DHRS3: variants seen among roughly 807,000 people sequenced by gnomAD.
DHRS3 encodes dehydrogenase/reductase 3.
A neutral mutation model predicts 27.2 loss-of-function variants in DHRS3; 14 were observed. The ratio of observed to expected loss-of-function variants is 0.52; its 90% CI spans 0.34 to 0.81. DHRS3 has a LOEUF of 0.81. Among genes scored for constraint, DHRS3 ranks in the 30% least tolerant of loss-of-function variants. The pLI is 0.01. For synonymous variants in DHRS3, 165 were observed against 175.9 expected (o/e 0.94, Z 0.49); for missense variants, 322 against 406.2 (o/e 0.79, Z 1.78).
At chr1:12,606,375 A>C (rs776244157) in intron 1 of DHRS3, among the ~76,000 whole-genome samples, 22 of 151,398 alleles carry the variant, frequency 1.5e-4, no homozygotes, top group Non-Finnish European at 2.4e-4. Flanking sequence ...CACAATTCTG[A>C]CTGAAAAATT....
At chr1:12,587,480 AG>A (rs1202081897) in intron 1 of DHRS3, among the ~76,000 whole-genome samples, 1 of 152,170 alleles carries the variant, frequency 6.6e-6, no homozygotes, top group Non-Finnish European at 1.5e-5. Flanking sequence ...TGTCTCAGGC[AG>A]GATCACAGCT....
At chr1:12,570,261 C>T (rs529149089) in intron 5 of DHRS3, among the ~76,000 whole-genome samples, 10 of 152,268 alleles carry the variant, frequency 6.6e-5, no homozygotes, top group Admixed American at 4.6e-4. Flanking sequence ...ACCGGAGTTC[C>T]GACGCTTCCC....
chr1:12,597,099 C>T (rs962380699), intron 1 of DHRS3, among the ~76,000 whole-genome samples: 32 of 152,116 alleles, frequency 2.1e-4, no homozygotes, highest in Admixed American at 7.9e-4. Context: ...CCGCCCTAGA[C>T]GGAGTCTCAC....
chr1:12,616,821 G>C, intron 1 of DHRS3: 1 of 1,125,190 alleles, frequency 8.9e-7, no homozygotes, highest in Non-Finnish European at 1.1e-6. Context: ...AGAAAAAGGG[G>C]GGAAGGCGGG....
chr1:12,583,983 G>T (rs1646670651), intron 1 of DHRS3, among the ~76,000 whole-genome samples: 1 of 104,114 alleles, frequency 9.6e-6, no homozygotes, highest in Non-Finnish European at 1.8e-5. Flanking sequence ...CCATCCATCT[G>T]GTTTCTGAGT....
Position 12,591,052 on chromosome 1 carries a change from G to A in DHRS3, c.196-10386C>T, listed in dbSNP as rs1416395939. Among the ~76,000 whole-genome samples the A allele has an allele frequency of 1.3e-5, 2 of 152,224 alleles. No homozygotes were observed. The highest frequency in any genetic ancestry group is 2.9e-5 in the Non-Finnish European group (2 of 68,036). ...CCCACTCAAGGCTGTTTCTAGGGGA[G>A]GAGACAGACATAGAGCTTCGGGTTT... On this transcript the variant is annotated intron_variant, in intron 1 of 5. Transcript: ENST00000616661. This position sits in a 1 kb window ranked among gnomAD's most constrained non-coding sequence, Gnocchi z 4.1.
Position 12,579,180 on chromosome 1 carries a change from C to T in DHRS3, c.459+113G>A, listed in dbSNP as rs532077798. ...ATTCGTCTTGTCTGGCCACCTTGTT[C>T]GTGGACATCCCTGCTGGCCTGAGCC... On this transcript the variant is annotated intron_variant, in intron 3 of 5. Coordinates refer to ENST00000616661, the MANE Select transcript of DHRS3 (RefSeq NM_004753.7). The T allele has an allele frequency of 1.1e-4, 173 of 1,553,144 alleles. 1 individual carries two copies. The South Asian group carries it at 1.4e-3, about 12-fold the overall frequency.
In DHRS3 at chr1:12,604,821, C is replaced by T. The variant is rs954200617; in HGVS notation, c.195+12333G>A. Among the ~76,000 whole-genome samples, 9 of 152,128 alleles carry T rather than the reference C, an allele frequency of 5.9e-5. No individual in the cohort carries two copies. The South Asian group carries it at 1.2e-3, about 21-fold the overall frequency. Reference sequence around the variant, plus strand: ...ATCCCCGCACTTTGGGAGGCTGAGGCGGGTGGATCACAAGGTCAAGAGATC... The same window carrying T: ...ATCCCCGCACTTTGGGAGGCTGAGGTGGGTGGATCACAAGGTCAAGAGATC... On this transcript the variant is annotated intron_variant, in intron 1 of 5. Transcript: ENST00000616661.
intron 1 of DHRS3, among the ~76,000 whole-genome samples, chr1:12,599,162 G>C (rs1646819233): frequency 6.6e-6 from 1 of 152,232 alleles, no homozygotes; most frequent in African/African-American, 2.4e-5. Flanking sequence ...CTAGGACGAA[G>C]GTCAACTGCC....
chr1:12,570,137 A>G (rs1466794220), intron 5 of DHRS3: 1 of 152,200 alleles, frequency 6.6e-6, no homozygotes, highest in African/African-American at 2.4e-5. Flanking sequence ...ATCGATCCCA[A>G]CTGCCCCTGA....
At chr1:12,583,676 G>GTCCA (rs1178131261) in intron 1 of DHRS3, among the ~76,000 whole-genome samples, 4 of 128,020 alleles carry the variant, frequency 3.1e-5, no homozygotes, top group African/African-American at 1.2e-4. Context: ...CCATTCATCT[G>GTCCA]TCCATCCATC....
rs1211925434 is a variant in DHRS3 at position 12,574,005 on chromosome 1, A to T, written c.699-1152T>A. Among the ~76,000 whole-genome samples, 1 of 152,056 alleles carries T rather than the reference A, an allele frequency of 6.6e-6. No homozygotes were observed. The highest frequency in any genetic ancestry group is 1.5e-5 in the Non-Finnish European group (1 of 68,012). On this transcript the variant is annotated intron_variant, in intron 4 of 5. Transcript: ENST00000616661. This position sits in a 1 kb window ranked among gnomAD's most constrained non-coding sequence, Gnocchi z 4.6. ...ACCCCAATCCCACAAAGAGCTTGTG[A>T]TCCGCTCTGGCACCAGGAAGATTAA... is the stretch of plus-strand genomic sequence containing the variant.
chr1:12,572,175 A>T (rs1441908125), intron 5 of DHRS3, among the ~76,000 whole-genome samples: 1 of 152,100 alleles, frequency 6.6e-6, no homozygotes, highest in Non-Finnish European at 1.5e-5. Context: ...CTGGCTTTTA[A>T]TTTCTTTTTT....
At chr1:12,587,895 T>C (rs1365015267) in intron 1 of DHRS3, among the ~76,000 whole-genome samples, 3 of 152,204 alleles carry the variant, frequency 2.0e-5, no homozygotes, top group African/African-American at 7.2e-5. Flanking sequence ...CCCTCATCCA[T>C]TGGCAAGTGA....
At chr1:12,575,872 A>G (rs1646582132) in intron 4 of DHRS3, among the ~76,000 whole-genome samples, 1 of 151,948 alleles carries the variant, frequency 6.6e-6, no homozygotes, top group Non-Finnish European at 1.5e-5. Context: ...ATGCCTGGCT[A>G]ATTTTTGTAT....
chr1:12,607,845 ATATGTGTGTGTGTG>A (rs1570400054), intron 1 of DHRS3, among the ~76,000 whole-genome samples: 1 of 150,364 alleles, frequency 6.7e-6, no homozygotes, highest in African/African-American at 2.5e-5. Context: ...ATATTTGTGT[ATATGTGTGTGTGTG>A]TATGTGTGTG....
intron 1 of DHRS3, among the ~76,000 whole-genome samples, chr1:12,615,641 TGGGATGCA>T (rs1161466193): frequency 1.3e-5 from 2 of 152,156 alleles, no homozygotes; most frequent in African/African-American, 4.8e-5. Flanking sequence ...AAAGTTTCTG[TGGGATGCA>T]GACAGCTAAA....
chr1:12,578,837 C>G lies in DHRS3; in HGVS notation c.579G>C (p.Ala193=). 6.2e-7 allele frequency: 1 copy of G among 1,614,014 alleles called. No individual in the cohort carries two copies. The highest frequency in any genetic ancestry group is 8.5e-7 in the Non-Finnish European group (1 of 1,180,028). ...PGAIDYCTSK[A]SAFAFMESLT... is the part of the protein sequence containing the mutation. Reference sequence around the variant, plus strand: ...GGCTCTCCATGAAGGCGAAGGCTGACGCTTTGGATGTGCAGTAGTCGATGG... The same window carrying G: ...GGCTCTCCATGAAGGCGAAGGCTGAGGCTTTGGATGTGCAGTAGTCGATGG... Residue 193 remains alanine, a synonymous_variant, in exon 4 of 6, where the codon GCG becomes GCC. Transcript: ENST00000616661. This position sits in a 1 kb window ranked among gnomAD's most constrained non-coding sequence, Gnocchi z 4.5.
intron 1 of DHRS3, among the ~76,000 whole-genome samples, chr1:12,599,257 G>A (rs1479758245): frequency 2.6e-5 from 4 of 152,256 alleles, no homozygotes; most frequent in Non-Finnish European, 5.9e-5. Context: ...CAGAGGAAGC[G>A]GGACATTCAA....
Sources: gnomAD v4.1 joint callset for allele counts (sites outside exome capture counted in the v4.1 genomes callset) on GRCh38, gnomAD v4.1.1 for gene constraint, Gnocchi (gnomAD v3.1) non-coding constraint, MANE v1.5 for transcripts, NCBI Gene and HGNC (gene_info 2026-07-23, HGNC 2026-07-21) for gene names.